The following ZNF189 variants were observed in gnomAD, a reference collection of about 807,000 sequenced individuals.
The protein encoded by ZNF189 is zinc finger protein 189.
ZNF189 carries 33 observed loss-of-function variants against 53.5 expected under a neutral mutation model. That is an observed-to-expected ratio of 0.62 (90% CI 0.47 to 0.82). The LOEUF is 0.82. ZNF189 is among the 40% of genes least tolerant of loss of function. The pLI is 0.00. For missense variants in ZNF189, 711 were observed against 753.9 expected, an observed-to-expected ratio of 0.94 and a Z score of 0.67; for synonymous variants, 247 against 238.8, an observed-to-expected ratio of 1.03 and a Z score of -0.32.
chr9:101,401,340 G>A (rs564047885), intron 2 of ZNF189, among the ~76,000 whole-genome samples: 3 of 152,226 alleles, frequency 2.0e-5, no homozygotes, highest in South Asian at 4.1e-4. Flanking sequence ...AGAAAATAAA[G>A]GCCAATAAGC....
chr9:101,399,283 C>T (rs1830441573), intron 1 of ZNF189, 94 bp downstream of exon 1: 1 of 1,423,058 alleles, frequency 7.0e-7, no homozygotes, highest in South Asian at 1.4e-5. Context: ...CCACCAACCT[C>T]CTGACCGCCT....
intron 2 of ZNF189, among the ~76,000 whole-genome samples, chr9:101,404,155 C>T (rs1341927255): frequency 1.3e-5 from 2 of 152,210 alleles, no homozygotes; most frequent in Non-Finnish European, 2.9e-5. Context: ...TTCAAGGCTG[C>T]TCTGTGTGGA....
chr9:101,408,647 T>G lies in ZNF189; in HGVS notation c.879T>G (p.Cys293Trp). The stretch of plus-strand genomic sequence containing the variant: ...AGAAACCTTATCACTGTACCAAATG[T>G]AAGAAGAGCTTTAGTCGAAATTCAT... ...TGEKPYHCTK[C>W]KKSFSRNSLL... The change falls in exon 3 of 3, where the codon TGT becomes TGG. Residue 293 changes from cysteine (C) to tryptophan (W), a missense_variant. By Grantham distance (215) the Cys-to-Trp change is radical. Transcript: ENST00000339664. 1 of 1,614,090 alleles carries G rather than the reference T, an allele frequency of 6.2e-7. No homozygotes were observed.
chr9:101,408,441 A>G lies in ZNF189; in HGVS notation c.673A>G (p.Ile225Val), dbSNP rs776548822. The G allele has an allele frequency of 2.5e-6, 4 of 1,613,924 alleles. No individual in the cohort carries two copies. Among genetic ancestry groups the G allele is most frequent in the East Asian group, 4.5e-5 (2 of 44,866 alleles). The change falls in exon 3 of 3, where the codon ATC becomes GTC. Residue 225 changes from isoleucine to valine, a missense_variant. Ile to Val is a conservative substitution (Grantham distance 29). Coordinates refer to ENST00000339664, the MANE Select transcript of ZNF189 (RefSeq NM_003452.4). ...VSSTLIRHQR[I>V]HTGERPYQCN... Reference sequence around the variant, plus strand: ...CTCAACCCTTATTAGACATCAGAGAATCCACACTGGAGAAAGACCCTATCA... The same window carrying G: ...CTCAACCCTTATTAGACATCAGAGAGTCCACACTGGAGAAAGACCCTATCA...
Position 101,408,641 on chromosome 9 carries a change from C to A in ZNF189, c.873C>A (p.Thr291=). ...THTGEKPYHC[T]KCKKSFSRNS... ...CTGGTGAGAAACCTTATCACTGTACCAAATGTAAGAAGAGCTTTAGTCGAA... is the reference window on the plus strand; with the variant it reads ...CTGGTGAGAAACCTTATCACTGTACAAAATGTAAGAAGAGCTTTAGTCGAA... Residue 291 remains threonine, a synonymous_variant, in exon 3 of 3, where the codon ACC becomes ACA. Coordinates refer to ENST00000339664, the MANE Select transcript of ZNF189 (RefSeq NM_003452.4). 1 of 1,613,176 alleles carries A rather than the reference C, an allele frequency of 6.2e-7. No homozygotes were observed. Among genetic ancestry groups the A allele is most frequent in the Non-Finnish European group, 8.5e-7 (1 of 1,179,776 alleles).
chr9:101,401,375 T>A (rs1830527342), intron 2 of ZNF189, among the ~76,000 whole-genome samples: 1 of 151,844 alleles, frequency 6.6e-6, no homozygotes, highest in Admixed American at 6.6e-5. Context: ...TCTCTGCCTC[T>A]TATCTACACA....
chr9:101,399,294 C>G, intron 1 of ZNF189, 105 bp downstream of exon 1: 1 of 1,440,298 alleles, frequency 6.9e-7, no homozygotes, highest in Non-Finnish European at 9.2e-7. Flanking sequence ...CTGACCGCCT[C>G]TTTAGGGCCA....
Position 101,399,955 on chromosome 9 carries a change from G to A in ZNF189, c.105G>A (p.Gln35=). Reference sequence around the variant, plus strand: ...AGTGGGATTATCTGGACCCAGCTCAGAGAAGCCTGTATAAAGATGTCATGA... The same window carrying A: ...AGTGGGATTATCTGGACCCAGCTCAAAGAAGCCTGTATAAAGATGTCATGA... ...QEEWDYLDPA[Q]RSLYKDVMME... is the part of the protein sequence containing the mutation. The change falls in exon 2 of 3, where the codon CAG becomes CAA. Residue 35 remains glutamine, a synonymous_variant. Transcript: ENST00000339664. The A allele has an allele frequency of 6.2e-7, 1 of 1,614,176 alleles. No homozygotes were observed. Among genetic ancestry groups the A allele is most frequent in the Non-Finnish European group, 8.5e-7 (1 of 1,180,032 alleles).
intron 2 of ZNF189, among the ~76,000 whole-genome samples, chr9:101,405,164 T>C (rs1465449668): frequency 6.6e-6 from 1 of 152,208 alleles, no homozygotes; most frequent in African/African-American, 2.4e-5. Flanking sequence ...AGTTGTATCA[T>C]AGCAAAGAGC....
intron 2 of ZNF189, among the ~76,000 whole-genome samples, chr9:101,402,120 T>C (rs1194910627): frequency 6.6e-6 from 1 of 152,188 alleles, no homozygotes; most frequent in African/African-American, 2.4e-5. Context: ...TTCACTGTGT[T>C]GGCCGGGCTG....
intron 2 of ZNF189, among the ~76,000 whole-genome samples, chr9:101,403,588 A>T (rs1830609137): frequency 6.6e-6 from 1 of 152,228 alleles, no homozygotes; most frequent in African/African-American, 2.4e-5. Flanking sequence ...GATACAGTTG[A>T]TAGCTTAATT....
intron 2 of ZNF189, among the ~76,000 whole-genome samples, chr9:101,400,257 C>T (rs760102840): frequency 1.3e-5 from 2 of 152,180 alleles, no homozygotes; most frequent in East Asian, 3.8e-4. Flanking sequence ...TCCGTCCTGG[C>T]TCATCCTCCC....
intron 2 of ZNF189, among the ~76,000 whole-genome samples, chr9:101,403,826 C>T (rs1442134263): frequency 6.6e-6 from 1 of 152,206 alleles, no homozygotes; most frequent in African/African-American, 2.4e-5. Context: ...AATATCATCA[C>T]ATTGTGGATT....
At chr9:101,406,076 C>G (rs539461273) in intron 2 of ZNF189, among the ~76,000 whole-genome samples, 4 of 151,722 alleles carry the variant, frequency 2.6e-5, no homozygotes, top group Non-Finnish European at 4.4e-5. Flanking sequence ...AAAAAATGCC[C>G]GTTTTATTTT....
chr9:101,403,551 T>A (rs567323861), intron 2 of ZNF189, among the ~76,000 whole-genome samples: 7 of 152,308 alleles, frequency 4.6e-5, no homozygotes, highest in African/African-American at 1.4e-4. Context: ...AGCTTATTTT[T>A]AAAAAAACTT....
chr9:101,401,005 G>A (rs1281120156), intron 2 of ZNF189, among the ~76,000 whole-genome samples: 1 of 152,150 alleles, frequency 6.6e-6, no homozygotes. Flanking sequence ...TTCTGGGCTT[G>A]TATCCCCATC....
Position 101,409,543 on chromosome 9 carries a change from A to T in ZNF189, c.1775A>T (p.Glu592Val), listed in dbSNP as rs1830862032. ...SLVNHQKIHA[E>V]VKTQETHECD... ...GTCAACCATCAGAAGATCCATGCAGAGGTGAAAACCCAAGAAACCCATGAA... is the reference window on the plus strand; with the variant it reads ...GTCAACCATCAGAAGATCCATGCAGTGGTGAAAACCCAAGAAACCCATGAA... Residue 592 changes from glutamate to valine, a missense_variant, in exon 3 of 3, where the codon GAG becomes GTG. Physicochemically the swap from Glu to Val is moderately radical, Grantham distance 121 (BLOSUM62 -2). Coordinates refer to ENST00000339664, the MANE Select transcript of ZNF189 (RefSeq NM_003452.4). 1 of 1,614,130 alleles carries T rather than the reference A, an allele frequency of 6.2e-7. No individual in the cohort carries two copies.
intron 1 of ZNF189, chr9:101,399,568 A>G: frequency 7.8e-7 from 1 of 1,284,800 alleles, no homozygotes; most frequent in South Asian, 1.8e-5. Context: ...TGAATTGAAT[A>G]GAGTCACAAG....
intron 2 of ZNF189, among the ~76,000 whole-genome samples, chr9:101,406,998 A>G (rs566615231): frequency 1.3e-5 from 2 of 152,274 alleles, no homozygotes; most frequent in Non-Finnish European, 2.9e-5. Context: ...GTGGTAGGTA[A>G]AGTCATAAGC....
Sources: gnomAD v4.1 joint callset for allele counts (sites outside exome capture counted in the v4.1 genomes callset) on GRCh38, gnomAD v4.1.1 for gene constraint, MANE v1.5 for transcripts, NCBI Gene and HGNC (gene_info 2026-07-23, HGNC 2026-07-21) for gene names.